TNRC6A: variants seen among roughly 807,000 people sequenced by gnomAD.
The protein encoded by TNRC6A is trinucleotide repeat-containing gene 6A protein.
Under a neutral mutation model 221.2 loss-of-function variants are expected in TNRC6A, and 44 were observed. The observed-to-expected ratio is 0.20, with a 90% CI of 0.16 to 0.26. TNRC6A has a LOEUF of 0.26. TNRC6A is among the 10% of genes least tolerant of loss of function. TNRC6A has a pLI of 1.00. For synonymous variants in TNRC6A, 847 were observed against 838.5 expected (o/e 1.01, Z -0.18); for missense variants, 2,199 against 2,404.4 (o/e 0.91, Z 1.79).
intron 1 of TNRC6A, among the ~76,000 whole-genome samples, chr16:24,625,543 G>A (rs890654417): frequency 3.9e-5 from 6 of 151,962 alleles, no homozygotes; most frequent in Non-Finnish European, 5.9e-5. Context: ...GGCTAACAAG[G>A]TGAAACCCCG....
In TNRC6A at chr16:24,776,953, A is replaced by C; in HGVS notation, c.184A>C (p.Ser62Arg). 6.2e-7 allele frequency: 1 copy of C among 1,613,748 alleles called. No individual in the cohort carries two copies. The highest frequency in any genetic ancestry group is 8.5e-7 in the Non-Finnish European group (1 of 1,179,686). ...KIKVPEQIKP[S>R]VSQPQPANSN... ...ATTAGTGCCAGAACAGATAAAGCCC[A>C]GTGTAAGCCAGCCTCAGCCTGCCAA... Residue 62 changes from serine to arginine, a missense_variant, in exon 5 of 25, where the codon AGT (serine) becomes CGT (arginine). Transcript: ENST00000395799.
chr16:24,804,329 T>C lies in TNRC6A; in HGVS notation c.3837+10T>C, dbSNP rs2058386799. The C allele has an allele frequency of 1.9e-6, 3 of 1,608,718 alleles. No individual in the cohort carries two copies. Among genetic ancestry groups the C allele is most frequent in the Non-Finnish European group, 2.5e-6 (3 of 1,178,934 alleles). On this transcript the variant is annotated intron_variant, in intron 12 of 24. Transcript: ENST00000395799. ...TCCTTATTTTGATAAGGTAAGGTTT[T>C]TTACTTTTACCTCTGACTTGATAAA...
At chr16:24,625,888 AGCTAGAGTGT>A (rs1900960706) in intron 1 of TNRC6A, among the ~76,000 whole-genome samples, 1 of 152,090 alleles carries the variant, frequency 6.6e-6, no homozygotes, top group African/African-American at 2.4e-5. Flanking sequence ...CTCTAGCCTG[AGCTAGAGTGT>A]TAAGTTTGTT....
chr16:24,729,008 C>T (rs2056542835), upstream of TNRC6A, among the ~76,000 whole-genome samples: 1 of 151,964 alleles, frequency 6.6e-6, no homozygotes, highest in Non-Finnish European at 1.5e-5. Flanking sequence ...AATTTTTCAC[C>T]ATCATCAATA....
At chr16:24,675,506 C>T (rs1361976755) in intron 2 of TNRC6A, among the ~76,000 whole-genome samples, 2 of 151,336 alleles carry the variant, frequency 1.3e-5, no homozygotes, top group Non-Finnish European at 2.9e-5. Context: ...CATGGTGAAA[C>T]CCATCTCTAC....
In TNRC6A at chr16:24,689,989, TAAAAAAAAAAAAAAAAAAAAA is replaced by T. The variant is rs60944175; in HGVS notation, n.402+48998_402+49018del. On this transcript the variant is annotated intron_variant and non_coding_transcript_variant, in intron 2 of 2. Coordinates refer to the TNRC6A transcript ENST00000566108. ...TGGTCTCAAACTCCTAGGCTTAAAG[TAAAAAAAAAAAAAAAAAAAAA>T]AAAAAAAAAAAAAAAAATTTTTTTT... 2.1e-3 allele frequency among the ~76,000 whole-genome samples: 209 copies of T among 97,516 alleles called. 2 individuals are homozygous for T. The highest frequency in any genetic ancestry group is 3.2e-3 in the Admixed American group (25 of 7,902). The allele number at this position is 97,516 out of a possible 152,430, so 64.0% of individuals were successfully genotyped here. A position where few individuals can be genotyped will look rare whatever the true frequency, so the allele number is the denominator to read the frequency against.
intron 21 of TNRC6A, 125 bp downstream of exon 21, chr16:24,818,825 G>A (rs996765111): frequency 1.4e-5 from 11 of 761,490 alleles, no homozygotes; most frequent in Non-Finnish European, 2.5e-5. Context: ...GTGAGCCTGG[G>A]AAATTATTTT....
intron 2 of TNRC6A, among the ~76,000 whole-genome samples, chr16:24,675,185 T>C (rs2142018572): frequency 6.6e-6 from 1 of 152,178 alleles, no homozygotes; most frequent in South Asian, 2.1e-4. Context: ...CAATTTTATG[T>C]AATTTTATAA....
chr16:24,624,926 G>T (rs972776879), intron 1 of TNRC6A, among the ~76,000 whole-genome samples: 12 of 152,174 alleles, frequency 7.9e-5, no homozygotes, highest in Admixed American at 5.2e-4. Flanking sequence ...TGCTAAAACT[G>T]TTTTTCCACC....
rs192934991 is a variant in TNRC6A at position 24,672,153 on chromosome 16, G to C, written n.402+31144G>C. Among the ~76,000 whole-genome samples the C allele has an allele frequency of 2.8e-4, 43 of 152,198 alleles. No homozygotes were observed. In the East Asian group the frequency reaches 7.0e-3, roughly 25 times the overall value. On this transcript the variant is annotated intron_variant and non_coding_transcript_variant, in intron 2 of 2. Coordinates refer to the TNRC6A transcript ENST00000566108. ...TATTTATTTTTTGAGACGGAGTCTT[G>C]CTATGTCACCCAGGCTAGAGTGCAG...
intron 16 of TNRC6A, 39 bp from the exon 17 acceptor site, chr16:24,806,535 T>A: frequency 6.2e-7 from 1 of 1,608,532 alleles, no homozygotes; most frequent in South Asian, 1.1e-5. Flanking sequence ...AAAGACGTTT[T>A]CCCCCAGTAA....
Position 24,790,075 on chromosome 16 carries a change from G to T in TNRC6A, c.1433G>T (p.Ser478Ile). 2.5e-6 allele frequency: 4 copies of T among 1,614,226 alleles called. No individual in the cohort carries two copies. The highest frequency in any genetic ancestry group is 1.6e-4 in the Middle Eastern group (1 of 6,062). The change falls in exon 6 of 25, where the codon AGT (serine) becomes ATT (isoleucine). Residue 478 changes from serine (S) to isoleucine (I), a missense_variant. This residue lies in a region of TNRC6A where 1,405 missense variants were observed against 1,400.2 expected (regional missense o/e 1.00). Transcript: ENST00000395799. ...GTGCAGAATAATGAGCTGCCTAGTA[G>T]TAACACAGGGGCCTGGCGTGTGAGC... Reference protein sequence around the residue: ...GSVQNNELPSSNTGAWRVSTM... With the variant: ...GSVQNNELPSINTGAWRVSTM...
chr16:24,698,514 A>G (rs1313390533), intron 2 of TNRC6A, among the ~76,000 whole-genome samples: 2 of 152,050 alleles, frequency 1.3e-5, no homozygotes, highest in Admixed American at 1.3e-4. Flanking sequence ...TCCAGGGACC[A>G]TTACAAGCAC....
At chr16:24,628,375 G>A (rs1427288659) in intron 1 of TNRC6A, among the ~76,000 whole-genome samples, 7 of 151,846 alleles carry the variant, frequency 4.6e-5, no homozygotes, top group Non-Finnish European at 8.8e-5. Flanking sequence ...AGCTGAGATC[G>A]CTCCATTGCA....
At chr16:24,692,157 G>A (rs944835722) in intron 2 of TNRC6A, among the ~76,000 whole-genome samples, 14 of 152,130 alleles carry the variant, frequency 9.2e-5, no homozygotes, top group African/African-American at 2.9e-4. Flanking sequence ...AATAGACAGG[G>A]AGTCCGTTCT....
chr16:24,789,612 T>C lies in TNRC6A; in HGVS notation c.970T>C (p.Cys324Arg). Residue 324 changes from cysteine (C) to arginine (R), a missense_variant, in exon 6 of 25, where the codon TGT (cysteine) becomes CGT (arginine). This residue lies in a region of TNRC6A where 1,405 missense variants were observed against 1,400.2 expected (regional missense o/e 1.00). Coordinates refer to ENST00000395799, the MANE Select transcript of TNRC6A (RefSeq NM_014494.4). ...TTCCCATGGAGCCATAATAAGCACA[T>C]GTCAGGTCTCTGTGGATGCTCCTGA... ...GFSHGAIIST[C>R]QVSVDAPESK... The C allele has an allele frequency of 6.2e-7, 1 of 1,614,122 alleles. No individual in the cohort carries two copies. The highest frequency in any genetic ancestry group is 8.5e-7 in the Non-Finnish European group (1 of 1,180,040).
chr16:24,676,926 C>A (rs1259543921), intron 2 of TNRC6A, among the ~76,000 whole-genome samples: 1 of 152,064 alleles, frequency 6.6e-6, no homozygotes, highest in Non-Finnish European at 1.5e-5. Flanking sequence ...AATTCCTATT[C>A]TTCAAGGTTC....
At chr16:24,785,418 A>G (rs2057944913) in intron 5 of TNRC6A, among the ~76,000 whole-genome samples, 1 of 152,352 alleles carries the variant, frequency 6.6e-6, no homozygotes, top group Non-Finnish European at 1.5e-5. Context: ...ATATAATCAT[A>G]TATGACTTTA....
intron 2 of TNRC6A, among the ~76,000 whole-genome samples, chr16:24,739,604 G>A (rs923793600): frequency 6.6e-6 from 1 of 150,668 alleles, no homozygotes; most frequent in Non-Finnish European, 1.5e-5. Context: ...TCAGCCTCCT[G>A]AGTAGCTGGG....
Sources: allele counts gnomAD v4.1 joint callset (sites outside exome capture counted in the v4.1 genomes callset), GRCh38; gene constraint gnomAD v4.1.1; regional missense constraint gnomAD v4.1.1; transcripts MANE v1.5; gene names NCBI Gene and HGNC (gene_info 2026-07-23, HGNC 2026-07-21).